Variants in GRIP2 observed in about 807,000 individuals in gnomAD.
GRIP2 encodes the protein glutamate receptor interacting protein 2, also known as glutamate receptor-interacting protein 2.
In GRIP2, 58 loss-of-function variants were observed where a neutral mutation model predicts 108.3. The ratio of observed to expected loss-of-function variants is 0.54; its 90% CI spans 0.43 to 0.67. The LOEUF is 0.67. Among genes scored for constraint, GRIP2 ranks in the 30% least tolerant of loss-of-function variants. The pLI, the probability that GRIP2 is intolerant of heterozygous loss-of-function variation, is 0.00. For missense variants in GRIP2, 1,278 were observed against 1,430.6 expected, an observed-to-expected ratio of 0.89 and a Z score of 1.72; for synonymous variants, 586 against 598.2, an observed-to-expected ratio of 0.98 and a Z score of 0.30.
At chr3:14,518,461 C>G (rs1694315739) in intron 9 of GRIP2, among the ~76,000 whole-genome samples, 1 of 152,156 alleles carries the variant, frequency 6.6e-6, no homozygotes, top group African/African-American at 2.4e-5. Context: ...AGGCTGCTCC[C>G]CCTTCCCAGG....
intron 3 of GRIP2, 151 bp downstream of exon 3, chr3:14,525,286 T>C: frequency 1.1e-6 from 1 of 917,502 alleles, no homozygotes; most frequent in East Asian, 2.6e-5. Context: ...ATTGGAGGCC[T>C]TCCCTCTGCA....
At chr3:14,571,398 G>A in the GRIP2 span, among the ~76,000 whole-genome samples, 1 of 152,124 alleles carries the variant, frequency 6.6e-6, no homozygotes, top group East Asian at 1.9e-4. Flanking sequence ...AGGTCGCAGT[G>A]GAAACCAGGG....
At position 14,517,298 on chromosome 3, in the gene GRIP2, C is replaced by T. The variant is rs1056976622; in HGVS notation, c.1157-85G>A. The T allele has an allele frequency of 3.6e-6, 5 of 1,378,428 alleles. No individual in the cohort carries two copies. In the East Asian group the frequency reaches 1.3e-4, roughly 36 times the overall value. The allele number at this position is 1,378,428 out of a possible 1,614,324, so 85.4% of individuals were successfully genotyped here. On this transcript the variant is annotated intron_variant, in intron 10 of 23. Transcript: ENST00000621039. Reference sequence around the variant, plus strand: ...AGTGGGTGCTGGGAAGCCACCCAACCACAGGGAGAGATGGGGATGCCTTCC... The same window carrying T: ...AGTGGGTGCTGGGAAGCCACCCAACTACAGGGAGAGATGGGGATGCCTTCC...
chr3:14,493,869 C>G (rs1410394639), intron 23 of GRIP2, 43 bp from the exon 24 acceptor site: 5 of 1,582,304 alleles, frequency 3.2e-6, no homozygotes, highest in South Asian at 1.1e-5. Context: ...AGATGTCAGC[C>G]CTGCTGCGCT....
At chr3:14,518,648 C>T (rs925490802) in intron 9 of GRIP2, among the ~76,000 whole-genome samples, 1 of 152,180 alleles carries the variant, frequency 6.6e-6, no homozygotes, top group African/African-American at 2.4e-5. Flanking sequence ...TCCTCTTGCG[C>T]GGATGGACAG....
At chr3:14,554,109 T>C (rs1464108878) in intron 1 of GRIP2, among the ~76,000 whole-genome samples, 1 of 152,172 alleles carries the variant, frequency 6.6e-6, no homozygotes, top group Non-Finnish European at 1.5e-5. Context: ...GTCTACTGTG[T>C]GTCCCAAACT....
intron 1 of GRIP2, among the ~76,000 whole-genome samples, chr3:14,535,155 G>A (rs1026856681): frequency 2.0e-5 from 3 of 152,134 alleles, no homozygotes; most frequent in African/African-American, 7.2e-5. Context: ...GGACATGGGC[G>A]CTAAGTACTC....
intron 1 of GRIP2, among the ~76,000 whole-genome samples, chr3:14,554,352 T>C (rs1437919472): frequency 6.6e-6 from 1 of 152,192 alleles, no homozygotes; most frequent in Non-Finnish European, 1.5e-5. Flanking sequence ...CGCTCAAATC[T>C]GGAGCCAACC....
the GRIP2 span, among the ~76,000 whole-genome samples, chr3:14,583,471 A>G: frequency 2.3e-4 from 35 of 152,314 alleles, 1 homozygote; most frequent in African/African-American, 8.4e-4. Context: ...CAGTCTTGCC[A>G]AGCTCCAAGG....
At chr3:14,581,180 T>C in the GRIP2 span, among the ~76,000 whole-genome samples, 122 of 152,324 alleles carry the variant, frequency 8.0e-4, no homozygotes, top group African/African-American at 2.7e-3. Context: ...TCTCTTTCTG[T>C]GGAGAACTCT....
At chr3:14,494,056 AC>A (rs1171307203) in intron 23 of GRIP2, among the ~76,000 whole-genome samples, 1 of 152,106 alleles carries the variant, frequency 6.6e-6, no homozygotes, top group African/African-American at 2.4e-5. Flanking sequence ...TACCTTTCAT[AC>A]CCCTCTAACT....
At position 14,551,107 on chromosome 3, in the gene GRIP2, G is replaced by C. The variant is rs528141290; in HGVS notation, c.55+4793C>G. ...GGGACGCTGAGGCCAGGAGGAACACGGACCTGCCAAGGACCCATGAAGAGT... is the reference window on the plus strand; with the variant it reads ...GGGACGCTGAGGCCAGGAGGAACACCGACCTGCCAAGGACCCATGAAGAGT... On this transcript the variant is annotated intron_variant, in intron 1 of 23. Transcript: ENST00000637182. Among the ~76,000 whole-genome samples the C allele has an allele frequency of 1.2e-4, 18 of 152,266 alleles. No individual in the cohort carries two copies. The South Asian group carries it at 3.7e-3, about 32-fold the overall frequency.
the GRIP2 span, among the ~76,000 whole-genome samples, chr3:14,570,316 C>T: frequency 6.6e-6 from 1 of 152,180 alleles, no homozygotes; most frequent in African/African-American, 2.4e-5. Context: ...AGAGACAGCC[C>T]ACCTGGGATG....
At position 14,525,470 on chromosome 3, in the gene GRIP2, A is replaced by G; in HGVS notation, c.224T>C (p.Val75Ala). The change falls in exon 3 of 24, where the codon GTC (valine) becomes GCC (alanine). Residue 75 changes from valine to alanine, a missense_variant. Physicochemically the swap from Val to Ala is moderately conservative, Grantham distance 64. Transcript: ENST00000621039. Reference sequence around the variant, plus strand: ...AAGTCCCCCAGGTCTCAGGTTGGAGACCCTGGGCTTTCCATCCTTGTCGGT... The same window carrying G: ...AAGTCCCCCAGGTCTCAGGTTGGAGGCCCTGGGCTTTCCATCCTTGTCGGT... ...GGTDKDGKPR[V>A]SNLRPGGLAA... is the part of the protein sequence containing the mutation. 6.2e-7 allele frequency: 1 copy of G among 1,612,728 alleles called. No individual in the cohort carries two copies. The highest frequency in any genetic ancestry group is 8.5e-7 in the Non-Finnish European group (1 of 1,179,636).
the GRIP2 span, among the ~76,000 whole-genome samples, chr3:14,569,734 G>A: frequency 6.6e-6 from 1 of 152,112 alleles, no homozygotes; most frequent in Admixed American, 6.5e-5. Context: ...CTCAGCCTCT[G>A]CGCTACACCC....
intron 5 of GRIP2, 175 bp downstream of exon 5, chr3:14,523,437 C>T (rs1694467143): frequency 1.6e-6 from 1 of 607,084 alleles, no homozygotes; most frequent in Admixed American, 2.7e-5. Context: ...CCAACCAAGC[C>T]TACTTCATTG....
chr3:14,543,016 G>T (rs1274256266), upstream of GRIP2, among the ~76,000 whole-genome samples: 1 of 152,208 alleles, frequency 6.6e-6, no homozygotes, highest in East Asian at 1.9e-4. Context: ...AGCTCTGTCT[G>T]GGAGTCCACT....
chr3:14,554,835 G>A (rs1218046361), intron 1 of GRIP2, among the ~76,000 whole-genome samples: 1 of 152,176 alleles, frequency 6.6e-6, no homozygotes, highest in Non-Finnish European at 1.5e-5. Context: ...GAATGAGGAT[G>A]GGACCAGCCT....
At chr3:14,510,628 T>G (rs566983195) in intron 16 of GRIP2, among the ~76,000 whole-genome samples, 2 of 152,310 alleles carry the variant, frequency 1.3e-5, no homozygotes, top group South Asian at 4.1e-4. Flanking sequence ...TAACCTTCTT[T>G]CACAGAGTCG....
Sources: gnomAD v4.1 joint callset for allele counts (sites outside exome capture counted in the v4.1 genomes callset) on GRCh38, gnomAD v4.1.1 for gene constraint, MANE v1.5 for transcripts, NCBI Gene and HGNC (gene_info 2026-07-23, HGNC 2026-07-21) for gene names.